TTC39B: variants seen among roughly 807,000 people sequenced by gnomAD.
TTC39B encodes tetratricopeptide repeat protein 39B.
A neutral mutation model predicts 96.6 loss-of-function variants in TTC39B; 92 were observed. The observed-to-expected ratio is 0.95, with a 90% CI of 0.80 to 1.13. The LOEUF (loss-of-function observed/expected upper bound fraction) is 1.13. Among genes scored for constraint, TTC39B ranks in the 50% most tolerant of loss-of-function variants. TTC39B has a pLI of 0.00. For missense variants in TTC39B, 955 were observed against 809.3 expected, an observed-to-expected ratio of 1.18 and a Z score of -2.18; for synonymous variants, 367 against 299.4, an observed-to-expected ratio of 1.23 and a Z score of -2.33.
At chr9:15,301,607 T>C (rs745451047) in intron 1 of TTC39B, among the ~76,000 whole-genome samples, 5 of 151,606 alleles carry the variant, frequency 3.3e-5, no homozygotes, top group Admixed American at 6.6e-5. Context: ...ATACAAAAAA[T>C]TGGATGGTCG....
intron 4 of TTC39B, among the ~76,000 whole-genome samples, chr9:15,212,814 G>A (rs1323371389): frequency 6.6e-6 from 1 of 152,214 alleles, no homozygotes; most frequent in African/African-American, 2.4e-5. Flanking sequence ...CTGTGTGTCA[G>A]TGGCAGAGAA....
chr9:15,304,813 A>G (rs374195939), intron 1 of TTC39B, among the ~76,000 whole-genome samples: 1 of 152,154 alleles, frequency 6.6e-6, no homozygotes, highest in Non-Finnish European at 1.5e-5. Flanking sequence ...CATGGGAAGG[A>G]CCTTGTCTGT....
In TTC39B at chr9:15,293,382, T is replaced by G. The variant is rs1337737591; in HGVS notation, c.240+13702A>C. Among the ~76,000 whole-genome samples, 4 of 152,040 alleles carry G rather than the reference T, an allele frequency of 2.6e-5. No homozygotes were observed. The East Asian group carries it at 5.8e-4, about 22-fold the overall frequency. On this transcript the variant is annotated intron_variant, in intron 1 of 19. Transcript: ENST00000512701. ...AGTTGCTGAGCACCTGGAGGTGGGC[T>G]GGTACCTGAGGGAGGTCTGAAATGA...
At chr9:15,267,870 T>A (rs747204769) in intron 2 of TTC39B, 44 bp downstream of exon 2, 3 of 1,533,156 alleles carry the variant, frequency 2.0e-6, no homozygotes, top group Non-Finnish European at 2.7e-6. Flanking sequence ...AAGACAACCA[T>A]CAATTTTTCC....
At chr9:15,233,145 G>A (rs1821524986) in intron 2 of TTC39B, among the ~76,000 whole-genome samples, 1 of 152,138 alleles carries the variant, frequency 6.6e-6, no homozygotes, top group South Asian at 2.1e-4. Flanking sequence ...TAGCCCTGGC[G>A]AGAAATCTTC....
chr9:15,166,401 C>G (rs1057431809), exon 20 of TTC39B: 9 of 152,310 alleles, frequency 5.9e-5, no homozygotes, highest in Middle Eastern at 3.4e-3. Flanking sequence ...CCTATCTCCT[C>G]TGGATAATTC....
intron 14 of TTC39B, among the ~76,000 whole-genome samples, 179 bp downstream of exon 14, chr9:15,187,792 G>A (rs1045094555): frequency 2.6e-5 from 4 of 152,330 alleles, no homozygotes; most frequent in African/African-American, 7.2e-5. Flanking sequence ...TTTAAAGCAT[G>A]CAATGCTGAG....
At chr9:15,171,445 T>C (rs1817655454) in exon 20 of TTC39B, 1 of 152,122 alleles carries the variant, frequency 6.6e-6, no homozygotes, top group African/African-American at 2.4e-5. Flanking sequence ...ACTAACTGAA[T>C]ACTGCATCAT....
At chr9:15,209,651 A>G (rs1313325490) in intron 6 of TTC39B, among the ~76,000 whole-genome samples, 1 of 152,238 alleles carries the variant, frequency 6.6e-6, no homozygotes, top group Non-Finnish European at 1.5e-5. Context: ...CATATGTATA[A>G]GGATTCTAGG....
chr9:15,190,418 T>C, intron 11 of TTC39B, 136 bp downstream of exon 11: 1 of 667,752 alleles, frequency 1.5e-6, no homozygotes, highest in Non-Finnish European at 2.6e-6. Context: ...TGATCATAGC[T>C]CACCGCAGCC....
At chr9:15,259,654 C>T (rs1822875560) in intron 2 of TTC39B, among the ~76,000 whole-genome samples, 2 of 152,264 alleles carry the variant, frequency 1.3e-5, no homozygotes, top group South Asian at 4.1e-4. Flanking sequence ...TGGTCCCCAA[C>T]TTAGGATGGT....
intron 1 of TTC39B, among the ~76,000 whole-genome samples, chr9:15,280,746 C>T (rs917722905): frequency 6.6e-6 from 1 of 152,154 alleles, no homozygotes; most frequent in Non-Finnish European, 1.5e-5. Flanking sequence ...CAGTGGGTAT[C>T]CCTAAAAGTT....
intron 19 of TTC39B, 81 bp from the exon 20 acceptor site, chr9:15,172,190 A>G: frequency 2.2e-6 from 2 of 922,840 alleles, no homozygotes; most frequent in Non-Finnish European, 3.4e-6. Flanking sequence ...CCTCTCTCTG[A>G]TCTACTTACT....
chr9:15,205,806 G>A (rs184129914), intron 6 of TTC39B, among the ~76,000 whole-genome samples: 19 of 152,264 alleles, frequency 1.2e-4, no homozygotes, highest in Admixed American at 9.8e-4. Context: ...GATGAAGTCC[G>A]TGGTGGTGAT....
chr9:15,192,179 T>C lies in TTC39B; in HGVS notation c.930+411A>G, dbSNP rs148978223. Among the ~76,000 whole-genome samples the C allele has an allele frequency of 1.6e-3, 250 of 152,326 alleles. 2 individuals are homozygous for C. The highest frequency in any genetic ancestry group is 5.7e-3 in the African/African-American group (236 of 41,578). On this transcript the variant is annotated intron_variant, in intron 9 of 19. Transcript: ENST00000512701. ...AAAATCTCTTAATCACATATTGGAATTTGACAGATTACTACTCAGACTTCC... is the reference window on the plus strand; with the variant it reads ...AAAATCTCTTAATCACATATTGGAACTTGACAGATTACTACTCAGACTTCC...
exon 20 of TTC39B, chr9:15,164,687 A>G (rs1817486523): frequency 1.3e-5 from 2 of 152,172 alleles, no homozygotes; most frequent in Admixed American, 1.3e-4. Context: ...TTAAACACCA[A>G]TACAGAAATG....
chr9:15,260,202 T>C (rs1190502283), intron 2 of TTC39B, among the ~76,000 whole-genome samples: 1 of 152,098 alleles, frequency 6.6e-6, no homozygotes, highest in Non-Finnish European at 1.5e-5. Flanking sequence ...ACACATTTCC[T>C]TACTGTGCCT....
At chr9:15,289,471 T>A (rs375574620) in intron 1 of TTC39B, among the ~76,000 whole-genome samples, 8 of 152,210 alleles carry the variant, frequency 5.3e-5, no homozygotes, top group Admixed American at 5.2e-4. Context: ...GAGGCAGACA[T>A]TAGAATCCCC....
chr9:15,176,069 A>C (rs939634632), intron 18 of TTC39B, among the ~76,000 whole-genome samples: 4 of 152,202 alleles, frequency 2.6e-5, no homozygotes, highest in Non-Finnish European at 5.9e-5. Context: ...ACATTGTCTA[A>C]ATGATCCAAG....
Sources: gnomAD v4.1 joint callset for allele counts (sites outside exome capture counted in the v4.1 genomes callset) on GRCh38, gnomAD v4.1.1 for gene constraint, MANE v1.5 for transcripts, NCBI Gene and HGNC (gene_info 2026-07-23, HGNC 2026-07-21) for gene names.